Variants in RYR3 observed in about 807,000 individuals in gnomAD.
RYR3 encodes the protein ryanodine receptor 3.
In RYR3, 207 loss-of-function variants were observed where a neutral mutation model predicts 584.3. The ratio of observed to expected loss-of-function variants is 0.35; its 90% confidence interval spans 0.32 to 0.40. The LOEUF (loss-of-function observed/expected upper bound fraction) is 0.40. Among genes scored for constraint, RYR3 ranks in the 10% least tolerant of loss-of-function variants. The pLI, the probability that RYR3 is intolerant of heterozygous loss-of-function variation, is 1.00. For synonymous variants in RYR3, 2,416 were observed against 2,248.5 expected (o/e 1.07, Z -2.11); for missense variants, 5,616 against 6,089.2 (o/e 0.92, Z 2.59).
intron 7 of RYR3, among the ~76,000 whole-genome samples, chr15:33,542,141 G>A (rs1316440760): frequency 1.3e-5 from 2 of 152,086 alleles, no homozygotes; most frequent in African/African-American, 2.4e-5. Flanking sequence ...GTAGAAAAAT[G>A]TCCTTCCAGC....
intron 17 of RYR3, 36 bp from the exon 18 acceptor site, chr15:33,603,085 AGG>A (rs2059751305): frequency 6.2e-7 from 1 of 1,608,636 alleles, no homozygotes; most frequent in Non-Finnish European, 8.5e-7. Context: ...TCAGCTTTTA[AGG>A]GTGTGTAGAT....
At chr15:33,741,353 T>C (rs928182867) in intron 51 of RYR3, among the ~76,000 whole-genome samples, 11 of 152,168 alleles carry the variant, frequency 7.2e-5, no homozygotes, top group Admixed American at 1.3e-4. Context: ...GGTGTCCCCA[T>C]TGGGTAAATC....
At chr15:33,411,544 G>T (rs960123330) in intron 1 of RYR3, among the ~76,000 whole-genome samples, 1 of 152,158 alleles carries the variant, frequency 6.6e-6, no homozygotes, top group African/African-American at 2.4e-5. Context: ...TGTTCCTTGG[G>T]CATGTGCTAT....
chr15:33,789,253 A>G (rs1293670136), intron 67 of RYR3, among the ~76,000 whole-genome samples: 3 of 152,050 alleles, frequency 2.0e-5, no homozygotes, highest in Non-Finnish European at 4.4e-5. Flanking sequence ...GAGGACTCTG[A>G]CTTTTACTCT....
chr15:33,533,641 G>A (rs889010805), intron 5 of RYR3, among the ~76,000 whole-genome samples: 3 of 152,130 alleles, frequency 2.0e-5, no homozygotes, highest in Non-Finnish European at 2.9e-5. Context: ...AATCTTTAAC[G>A]TTGTTAGGTA....
intron 86 of RYR3, among the ~76,000 whole-genome samples, chr15:33,831,773 G>T (rs565750486): frequency 1.3e-5 from 2 of 152,034 alleles, no homozygotes; most frequent in African/African-American, 4.8e-5. Context: ...TATCATTACC[G>T]TCGGTGATAC....
intron 48 of RYR3, among the ~76,000 whole-genome samples, chr15:33,732,053 A>G (rs1227377143): frequency 6.6e-6 from 1 of 152,146 alleles, no homozygotes; most frequent in African/African-American, 2.4e-5. Context: ...ACATGAGCAT[A>G]TCTTACATAG....
In RYR3 at chr15:33,646,502, T is replaced by A. The variant is rs560601855; in HGVS notation, c.3917T>A (p.Leu1306Gln). 2.0e-5 allele frequency: 33 copies of A among 1,612,706 alleles called. No individual in the cohort carries two copies. In the South Asian group the frequency reaches 3.5e-4, roughly 17 times the overall value. ...CHSSFSHSPC[L>Q]DSEAFQKRKQ... ...TCCTCCTTCAGCCACAGCCCCTGTCTGGACAGTGAAGCTTTCCAGAAAAGG... is the reference window on the plus strand; with the variant it reads ...TCCTCCTTCAGCCACAGCCCCTGTCAGGACAGTGAAGCTTTCCAGAAAAGG... The change falls in exon 29 of 104, where the codon CTG (leucine) becomes CAG (glutamine). Residue 1306 changes from leucine (L) to glutamine (Q), a missense_variant. Coordinates refer to ENST00000634891, the MANE Select transcript of RYR3 (RefSeq NM_001036.6).
chr15:33,700,927 TGA>T (rs2066254853), intron 41 of RYR3, 48 bp from the exon 42 acceptor site: 1 of 1,371,168 alleles, frequency 7.3e-7, no homozygotes, highest in Non-Finnish European at 1.0e-6. Flanking sequence ...AGCTCAGCAC[TGA>T]GTGTCTTCCT....
chr15:33,720,816 C>A (rs1256705598), intron 43 of RYR3, among the ~76,000 whole-genome samples: 1 of 151,934 alleles, frequency 6.6e-6, no homozygotes, highest in Non-Finnish European at 1.5e-5. Flanking sequence ...TGAGGCTGCA[C>A]TGAGCTGAGA....
At chr15:33,521,038 G>A (rs2053942746) in intron 3 of RYR3, among the ~76,000 whole-genome samples, 1 of 152,124 alleles carries the variant, frequency 6.6e-6, no homozygotes, top group African/African-American at 2.4e-5. Flanking sequence ...GAAGGCAGGA[G>A]GTTCCCCAGT....
At position 33,818,568 on chromosome 15, in the gene RYR3, G is replaced by C; in HGVS notation, c.10600-10G>C. 1 of 1,603,986 alleles carries C rather than the reference G, an allele frequency of 6.2e-7. No individual in the cohort carries two copies. Among genetic ancestry groups the C allele is most frequent in the Non-Finnish European group, 8.5e-7 (1 of 1,170,900 alleles). The stretch of plus-strand genomic sequence containing the variant: ...TCATGCCTAAAACCTATCTGTGTTG[G>C]TTTGTGTAGAAATCTCCAAAGGTGG... On this transcript the variant is annotated splice_polypyrimidine_tract_variant and intron_variant, in intron 75 of 103. Transcript: ENST00000634891.
intron 20 of RYR3, among the ~76,000 whole-genome samples, chr15:33,624,415 G>C (rs757669447): frequency 1.3e-5 from 2 of 152,210 alleles, no homozygotes; most frequent in Non-Finnish European, 2.9e-5. Context: ...GTTTCTAGAA[G>C]TCTGTGTGGT....
intron 60 of RYR3, among the ~76,000 whole-genome samples, chr15:33,759,076 A>G (rs1257604625): frequency 1.3e-5 from 2 of 152,232 alleles, no homozygotes; most frequent in Non-Finnish European, 2.9e-5. Context: ...AGGAAAACTA[A>G]CAAACAGAAA....
chr15:33,807,981 A>G (rs2076293388), intron 70 of RYR3, among the ~76,000 whole-genome samples: 4 of 152,178 alleles, frequency 2.6e-5, no homozygotes, highest in Admixed American at 1.3e-4. Context: ...GGTGTCCTGC[A>G]TCCTGTATAA....
chr15:33,584,050 T>C (rs550828122), intron 14 of RYR3, among the ~76,000 whole-genome samples: 1 of 151,574 alleles, frequency 6.6e-6, no homozygotes, highest in African/African-American at 2.4e-5. Context: ...GAAAACTCCA[T>C]CTCAAAAAAC....
chr15:33,830,841 GGCTCCT>G, intron 85 of RYR3, 116 bp from the exon 86 acceptor site: 1 of 949,478 alleles, frequency 1.1e-6, no homozygotes, highest in Middle Eastern at 3.0e-4. Context: ...CAGGGTCCCT[GGCTCCT>G]GTCAGAGCAA....
At chr15:33,810,098 A>T (rs1398031412) in intron 70 of RYR3, among the ~76,000 whole-genome samples, 2 of 152,154 alleles carry the variant, frequency 1.3e-5, no homozygotes. Context: ...ATACTCTTTC[A>T]TATTTTTAGT....
chr15:33,496,640 C>A (rs913663397), intron 2 of RYR3, among the ~76,000 whole-genome samples: 1 of 152,026 alleles, frequency 6.6e-6, no homozygotes, highest in Admixed American at 6.5e-5. Context: ...TGCACACACA[C>A]AATACAAAAA....
Sources: allele counts gnomAD v4.1 joint callset (sites outside exome capture counted in the v4.1 genomes callset), GRCh38; gene constraint gnomAD v4.1.1; transcripts MANE v1.5; gene names NCBI Gene and HGNC (gene_info 2026-07-23, HGNC 2026-07-21).